Variants in MED12L observed in about 807,000 individuals in gnomAD.
The protein encoded by MED12L is mediator of RNA polymerase II transcription subunit 12-like protein.
MED12L carries 60 observed loss-of-function variants against 281.3 expected under a neutral mutation model. That is an observed-to-expected ratio of 0.21 (90% CI 0.17 to 0.26). The LOEUF is 0.26. Ranked by LOEUF, MED12L falls within the 10% of genes least tolerant of loss-of-function variation. The probability of loss-of-function intolerance (pLI) is 1.00; values close to 1 mark genes in which losing one functional copy is unlikely to be tolerated. For synonymous variants in MED12L, 974 were observed against 987.2 expected (o/e 0.99, Z 0.25); for missense variants, 2,146 against 2,680.9 (o/e 0.80, Z 4.41).
chr3:151,213,262 C>T (rs749397554), intron 16 of MED12L: 2 of 1,471,696 alleles, frequency 1.4e-6, no homozygotes, highest in East Asian at 2.3e-5. Flanking sequence ...AAGATGACAA[C>T]ATGCACACGT....
rs538252163 is a variant in MED12L, at chr3:151,116,246, T to C, written c.100-92T>C. The C allele has an allele frequency of 2.1e-5, 17 of 816,426 alleles. 1 individual carries two copies. The South Asian group carries it at 2.6e-4, about 13-fold the overall frequency. The allele number at this position is 816,426 out of a possible 1,614,324, so 50.6% of individuals were successfully genotyped here. A position where few individuals can be genotyped will look rare whatever the true frequency, so the allele number is the denominator to read the frequency against. On this transcript the variant is annotated intron_variant, in intron 2 of 44. Coordinates refer to ENST00000687756, the MANE Select transcript of MED12L (RefSeq NM_001393769.1). ...TTCAAGAGTTCTCCTCTACAGAGTA[T>C]AACAAATTTAGCCATTACTTAGGAT...
chr3:151,299,119 A>T (rs1745512373), intron 16 of MED12L, among the ~76,000 whole-genome samples: 1 of 152,222 alleles, frequency 6.6e-6, no homozygotes, highest in East Asian at 1.9e-4. Context: ...ATAGAGTCAC[A>T]TTATGAATGA....
intron 16 of MED12L, among the ~76,000 whole-genome samples, chr3:151,318,293 ACTCT>A (rs1294522431): frequency 4.0e-5 from 6 of 151,062 alleles, no homozygotes; most frequent in Non-Finnish European, 5.9e-5. Flanking sequence ...TTTAGTTTTG[ACTCT>A]CTCTGTGCTA....
At chr3:151,176,877 C>T (rs1174729054) in intron 11 of MED12L, among the ~76,000 whole-genome samples, 2 of 152,222 alleles carry the variant, frequency 1.3e-5, no homozygotes, top group Non-Finnish European at 2.9e-5. Flanking sequence ...ACTTTCTCCC[C>T]ATCTACCTTG....
intron 31 of MED12L, among the ~76,000 whole-genome samples, chr3:151,378,873 A>G (rs1711692938): frequency 6.6e-6 from 1 of 152,260 alleles, no homozygotes; most frequent in Non-Finnish European, 1.5e-5. Context: ...GACTGCTTAC[A>G]GAATGGCAAC....
intron 16 of MED12L, among the ~76,000 whole-genome samples, chr3:151,233,040 T>TA (rs972422226): frequency 9.2e-5 from 14 of 152,272 alleles, no homozygotes; most frequent in South Asian, 4.1e-4. Context: ...GATAAAGCAA[T>TA]AAAAAAACAC....
At chr3:151,306,787 T>G (rs1469488209) in intron 16 of MED12L, among the ~76,000 whole-genome samples, 1 of 152,230 alleles carries the variant, frequency 6.6e-6, no homozygotes, top group Non-Finnish European at 1.5e-5. Flanking sequence ...GGTCAGGATC[T>G]TGAAATATCA....
At position 151,389,970 on chromosome 3, in the gene MED12L, A is replaced by T; in HGVS notation, c.5452-9A>T. 1 of 1,613,402 alleles carries T rather than the reference A, an allele frequency of 6.2e-7. No homozygotes were observed. Among genetic ancestry groups the T allele is most frequent in the Non-Finnish European group, 8.5e-7 (1 of 1,179,536 alleles). ...GTTACGTAACTTTTTAAAAAACTTT[A>T]TGTTGAAGGAATATCCACAGAGCAA... On this transcript the variant is annotated splice_polypyrimidine_tract_variant and intron_variant, in intron 37 of 44. Coordinates refer to ENST00000687756, the MANE Select transcript of MED12L (RefSeq NM_001393769.1).
chr3:151,367,530 G>C (rs990229427), intron 23 of MED12L, 116 bp from the exon 24 acceptor site: 1 of 860,738 alleles, frequency 1.2e-6, no homozygotes. Flanking sequence ...TCCCTCTGCT[G>C]GTTCATGTTG....
At chr3:151,401,037 T>A (rs2108294712) in intron 39 of MED12L, among the ~76,000 whole-genome samples, 1 of 152,306 alleles carries the variant, frequency 6.6e-6, no homozygotes, top group East Asian at 1.9e-4. Flanking sequence ...ATACTTCTAA[T>A]CTATACGTTT....
chr3:151,427,146 G>C (rs546694077), intron 43 of MED12L, among the ~76,000 whole-genome samples: 114 of 152,218 alleles, frequency 7.5e-4, no homozygotes, highest in African/African-American at 2.6e-3. Context: ...AATTTCTTCA[G>C]TGTCTGGTTT....
At chr3:151,271,065 C>A in intron 16 of MED12L, among the ~76,000 whole-genome samples, 1 of 149,796 alleles carries the variant, frequency 6.7e-6, no homozygotes, top group South Asian at 2.1e-4. Flanking sequence ...TTTTTGTAGA[C>A]ACCATTAAGA....
chr3:151,303,441 T>C (rs1577280578), intron 16 of MED12L, among the ~76,000 whole-genome samples: 1 of 151,940 alleles, frequency 6.6e-6, no homozygotes, highest in Non-Finnish European at 1.5e-5. Context: ...GAAGAAGCTG[T>C]GGGAATGAAT....
chr3:151,174,212 G>T (rs1721776499), intron 11 of MED12L, among the ~76,000 whole-genome samples: 2 of 152,136 alleles, frequency 1.3e-5, no homozygotes, highest in Admixed American at 1.3e-4. Flanking sequence ...TTCAGATAGG[G>T]ATGCTCAGTC....
Position 151,192,663 on chromosome 3 carries a change from A to G in MED12L, c.2073+9A>G. On this transcript the variant is annotated intron_variant, in intron 15 of 44. Transcript: ENST00000687756. ...TTGGTTCGGAATTTCCAGTAGGTTC[A>G]ATCTTTGATTCTTATTGACAATTAA... The G allele has an allele frequency of 6.8e-7, 1 of 1,468,712 alleles. No homozygotes were observed. The highest frequency in any genetic ancestry group is 9.2e-7 in the Non-Finnish European group (1 of 1,085,060). The allele number at this position is 1,468,712 out of a possible 1,614,324, so 91.0% of individuals were successfully genotyped here.
chr3:151,112,598 C>G (rs1246278558), intron 2 of MED12L, among the ~76,000 whole-genome samples: 1 of 152,042 alleles, frequency 6.6e-6, no homozygotes, highest in Admixed American at 6.6e-5. Context: ...TGTTGAAGTG[C>G]CTATTTTAAG....
chr3:151,334,426 T>G (rs1050773313), intron 16 of MED12L, among the ~76,000 whole-genome samples: 6 of 144,884 alleles, frequency 4.1e-5, no homozygotes, highest in South Asian at 4.3e-4. Context: ...GAGAGTTGTG[T>G]TTTTTTTTTT....
intron 16 of MED12L, among the ~76,000 whole-genome samples, chr3:151,258,187 C>T (rs1231092082): frequency 1.3e-5 from 2 of 152,184 alleles, no homozygotes; most frequent in Admixed American, 6.5e-5. Flanking sequence ...TATGAGACCA[C>T]TGTGAGATGG....
intron 5 of MED12L, among the ~76,000 whole-genome samples, chr3:151,148,210 T>C (rs890401490): frequency 4.6e-5 from 7 of 152,172 alleles, no homozygotes; most frequent in African/African-American, 1.4e-4. Context: ...TGGGTTGTCT[T>C]TTTATTATTG....
Sources: gnomAD v4.1 joint callset for allele counts (sites outside exome capture counted in the v4.1 genomes callset) on GRCh38, gnomAD v4.1.1 for gene constraint, MANE v1.5 for transcripts, NCBI Gene and HGNC (gene_info 2026-07-23, HGNC 2026-07-21) for gene names.